PAPPA2: variants seen among roughly 807,000 people sequenced by gnomAD.
PAPPA2 encodes pappalysin 2, also known as pappalysin-2.
A neutral mutation model predicts 176.4 loss-of-function variants in PAPPA2; 86 were observed. That is an observed-to-expected ratio of 0.49 (90% confidence interval 0.41 to 0.58). PAPPA2 has a LOEUF of 0.58. Among genes scored for constraint, PAPPA2 ranks in the 20% least tolerant of loss-of-function variants. The probability of loss-of-function intolerance (pLI) is 0.00; values close to 1 mark genes in which losing one functional copy is unlikely to be tolerated. For synonymous variants in PAPPA2, 809 were observed against 852.2 expected (o/e 0.95, Z 0.88); for missense variants, 2,073 against 2,256.9 (o/e 0.92, Z 1.65).
At chr1:176,633,858 G>A (rs1467107712) in intron 3 of PAPPA2, among the ~76,000 whole-genome samples, 4 of 152,154 alleles carry the variant, frequency 2.6e-5, no homozygotes, top group Non-Finnish European at 5.9e-5. Flanking sequence ...ATCATCACTG[G>A]CCATCAGAGA....
intron 3 of PAPPA2, among the ~76,000 whole-genome samples, chr1:176,612,096 C>T (rs554441852): frequency 2.7e-4 from 41 of 152,070 alleles, no homozygotes; most frequent in African/African-American, 9.2e-4. Flanking sequence ...AAAATGAGGA[C>T]ACATAAGAAA....
At chr1:176,485,185 T>C (rs1246316078) in intron 1 of PAPPA2, among the ~76,000 whole-genome samples, 2 of 152,204 alleles carry the variant, frequency 1.3e-5, no homozygotes, top group African/African-American at 4.8e-5. Flanking sequence ...AAAGTGTCCT[T>C]GTAAAAATAT....
chr1:176,811,034 A>AT (rs917782227), intron 21 of PAPPA2, among the ~76,000 whole-genome samples: 4 of 152,104 alleles, frequency 2.6e-5, no homozygotes, highest in Admixed American at 6.5e-5. Flanking sequence ...TTAGTAATAT[A>AT]TTTTTTATCA....
chr1:176,515,114 A>G (rs1332625714), intron 1 of PAPPA2, among the ~76,000 whole-genome samples: 1 of 152,198 alleles, frequency 6.6e-6, no homozygotes, highest in Non-Finnish European at 1.5e-5. Flanking sequence ...ATTAAAATAT[A>G]TACCTCCTAA....
intron 12 of PAPPA2, among the ~76,000 whole-genome samples, chr1:176,723,541 T>C (rs1240600146): frequency 6.6e-6 from 1 of 152,108 alleles, no homozygotes; most frequent in Non-Finnish European, 1.5e-5. Context: ...TTCCTTTCAG[T>C]ACACTTTAAT....
intron 21 of PAPPA2, among the ~76,000 whole-genome samples, chr1:176,812,954 C>T (rs115622164): frequency 1.5e-3 from 235 of 152,142 alleles, no homozygotes; most frequent in African/African-American, 5.5e-3. Flanking sequence ...CAACCTGCCC[C>T]GACATGCCCC....
chr1:176,718,395 A>G (rs181143291), intron 12 of PAPPA2, among the ~76,000 whole-genome samples: 1 of 152,054 alleles, frequency 6.6e-6, no homozygotes, highest in Admixed American at 6.5e-5. Context: ...CCAACTGAAG[A>G]TATATATGAT....
chr1:176,673,613 G>T (rs1022659050), intron 4 of PAPPA2, among the ~76,000 whole-genome samples: 1 of 152,088 alleles, frequency 6.6e-6, no homozygotes, highest in African/African-American at 2.4e-5. Flanking sequence ...TTCTTGATAA[G>T]AATTGTTGGG....
chr1:176,581,902 T>TTTTC (rs200915666), intron 2 of PAPPA2, among the ~76,000 whole-genome samples: 46 of 139,086 alleles, frequency 3.3e-4, no homozygotes, highest in East Asian at 5.8e-4. Flanking sequence ...ATTTTTCTTT[T>TTTTC]TTTCTTTCTT....
intron 20 of PAPPA2, among the ~76,000 whole-genome samples, chr1:176,799,473 G>A (rs978636439): frequency 6.6e-6 from 1 of 152,100 alleles, no homozygotes; most frequent in Non-Finnish European, 1.5e-5. Context: ...TGTGTGTCCT[G>A]CATATGTGTA....
In PAPPA2 at chr1:176,732,906, G is replaced by A. The variant is rs376837309; in HGVS notation, c.3799-6720G>A. On this transcript the variant is annotated intron_variant, in intron 12 of 22. Coordinates refer to ENST00000367662, the MANE Select transcript of PAPPA2 (RefSeq NM_020318.3). ...TGGTCCGTAGCCTGTTAGGAACCTGGCCACACAGCAGGAGGTGAGAATTGG... is the reference window on the plus strand; with the variant it reads ...TGGTCCGTAGCCTGTTAGGAACCTGACCACACAGCAGGAGGTGAGAATTGG... Among the ~76,000 whole-genome samples the A allele has an allele frequency of 3.2e-4, 48 of 152,292 alleles. No individual in the cohort carries two copies. The South Asian group carries it at 9.8e-3, about 31-fold the overall frequency.
intron 1 of PAPPA2, among the ~76,000 whole-genome samples, chr1:176,495,202 C>G (rs894592335): frequency 2.6e-5 from 4 of 152,056 alleles, no homozygotes; most frequent in African/African-American, 9.7e-5. Context: ...ATTACTTAAT[C>G]CTTATCACAC....
intron 4 of PAPPA2, among the ~76,000 whole-genome samples, chr1:176,680,693 A>G (rs765685593): frequency 8.5e-5 from 13 of 152,188 alleles, no homozygotes; most frequent in African/African-American, 3.1e-4. Context: ...CTCTTCTACA[A>G]TTGATCAAAA....
In PAPPA2 at chr1:176,589,468, G is replaced by A. The variant is rs1314198819; in HGVS notation, c.920-5056G>A. On this transcript the variant is annotated intron_variant, in intron 2 of 22. Coordinates refer to ENST00000367662, the MANE Select transcript of PAPPA2 (RefSeq NM_020318.3). Reference sequence around the variant, plus strand: ...AAACTCAGATTAAGTACAAGGTAAGGTGCTTAAACAGTTTTAAATTTAGTA... The same window carrying A: ...AAACTCAGATTAAGTACAAGGTAAGATGCTTAAACAGTTTTAAATTTAGTA... 2.6e-5 allele frequency among the ~76,000 whole-genome samples: 4 copies of A among 152,292 alleles called. No individual in the cohort carries two copies. In the East Asian group the frequency reaches 5.8e-4, roughly 22 times the overall value.
chr1:176,465,061 A>G (rs1651552585), intron 1 of PAPPA2, among the ~76,000 whole-genome samples: 1 of 152,202 alleles, frequency 6.6e-6, no homozygotes, highest in Admixed American at 6.5e-5. Flanking sequence ...ATTTCCCAAG[A>G]CATAAAATAA....
intron 6 of PAPPA2, among the ~76,000 whole-genome samples, chr1:176,693,455 CAT>C (rs1225253390): frequency 6.6e-6 from 1 of 152,210 alleles, no homozygotes; most frequent in African/African-American, 2.4e-5. Flanking sequence ...TTATTTAGCA[CAT>C]CTCTTCTTTG....
intron 12 of PAPPA2, among the ~76,000 whole-genome samples, chr1:176,734,411 C>T (rs895458840): frequency 2.0e-5 from 3 of 152,014 alleles, no homozygotes; most frequent in African/African-American, 7.2e-5. Flanking sequence ...CACACACACA[C>T]ACACACACAC....
At chr1:176,808,975 A>G (rs939499441) in intron 21 of PAPPA2, among the ~76,000 whole-genome samples, 1 of 152,208 alleles carries the variant, frequency 6.6e-6, no homozygotes, top group Non-Finnish European at 1.5e-5. Context: ...AAAATACTCA[A>G]TGAACTATTT....
intron 3 of PAPPA2, among the ~76,000 whole-genome samples, chr1:176,606,505 C>T (rs1654619145): frequency 6.6e-6 from 1 of 152,190 alleles, no homozygotes; most frequent in South Asian, 2.1e-4. Context: ...TGCTCTGTCA[C>T]CCAGGCTGGA....
Sources: allele counts gnomAD v4.1 joint callset (sites outside exome capture counted in the v4.1 genomes callset), GRCh38; gene constraint gnomAD v4.1.1; transcripts MANE v1.5; gene names NCBI Gene and HGNC (gene_info 2026-07-23, HGNC 2026-07-21).